The following NAALADL2 variants were observed in gnomAD, a reference collection of about 807,000 sequenced individuals.
NAALADL2 encodes the protein inactive N-acetylated-alpha-linked acidic dipeptidase-like protein 2.
In NAALADL2, 76 loss-of-function variants were observed where a neutral mutation model predicts 87.2. The observed-to-expected ratio is 0.87, with a 90% CI of 0.72 to 1.05. The LOEUF is 1.05. Among genes scored for constraint, NAALADL2 ranks in the 50% least tolerant of loss-of-function variants. NAALADL2 has a pLI of 0.00. For synonymous variants in NAALADL2, 354 were observed against 331.0 expected (o/e 1.07, Z -0.75); for missense variants, 1,089 against 945.8 (o/e 1.15, Z -1.99).
intron 2 of NAALADL2, among the ~76,000 whole-genome samples, chr3:175,154,006 T>A (rs1731937737): frequency 6.6e-6 from 1 of 152,122 alleles, no homozygotes; most frequent in South Asian, 2.1e-4. Context: ...AATTCTCATC[T>A]TTTTCCCCAA....
intron 11 of NAALADL2, among the ~76,000 whole-genome samples, chr3:175,656,600 T>A (rs993886808): frequency 3.3e-5 from 5 of 151,706 alleles, no homozygotes; most frequent in Admixed American, 3.3e-4. Context: ...GTATTTTTTT[T>A]AAAAGATAAT....
intron 2 of NAALADL2, among the ~76,000 whole-genome samples, chr3:175,215,158 A>C (rs896284276): frequency 1.3e-5 from 2 of 152,144 alleles, no homozygotes; most frequent in Admixed American, 1.3e-4. Flanking sequence ...TAGTTAACTC[A>C]ATCTTCCTGA....
chr3:174,502,182 A>G (rs1718940586), intron 1 of NAALADL2, among the ~76,000 whole-genome samples: 1 of 152,220 alleles, frequency 6.6e-6, no homozygotes, highest in Non-Finnish European at 1.5e-5. Flanking sequence ...TTATTTTCCC[A>G]TGATAGCCTG....
At chr3:174,871,782 C>T (rs889742425) in intron 1 of NAALADL2, among the ~76,000 whole-genome samples, 2 of 152,024 alleles carry the variant, frequency 1.3e-5, no homozygotes, top group African/African-American at 4.8e-5. Flanking sequence ...GCCTGTAGTC[C>T]CAGCTACTTG....
chr3:174,861,909 TTC>T lies in NAALADL2; in HGVS notation c.43+2460_43+2461del, dbSNP rs200126914. ...AGTATTGAGAACCCATTTTTTTTTT[TTC>T]CTGAATAAAAGTGAAGTTATTCCAA... On this transcript the variant is annotated intron_variant, in intron 1 of 13. Coordinates refer to ENST00000454872, the MANE Select transcript of NAALADL2 (RefSeq NM_207015.3). 8.4e-3 allele frequency among the ~76,000 whole-genome samples: 1,230 copies of T among 146,134 alleles called. 15 individuals are homozygous for T. Among genetic ancestry groups the T allele is most frequent in the African/African-American group, 0.031 (1,152 of 37,184 alleles).
intron 9 of NAALADL2, among the ~76,000 whole-genome samples, chr3:175,573,904 G>GA (rs1718472486): frequency 6.9e-6 from 1 of 145,752 alleles, no homozygotes; most frequent in African/African-American, 2.6e-5. Context: ...TATTTCCAAA[G>GA]TGGTTAATCA....
intron 3 of NAALADL2, among the ~76,000 whole-genome samples, chr3:174,786,024 C>T (rs540717836): frequency 6.6e-6 from 1 of 152,276 alleles, no homozygotes; most frequent in East Asian, 1.9e-4. Flanking sequence ...GCTGTGGCAT[C>T]TTTATACCAA....
intron 12 of NAALADL2, among the ~76,000 whole-genome samples, chr3:175,745,569 A>T (rs1745811558): frequency 6.6e-6 from 1 of 152,186 alleles, no homozygotes; most frequent in Non-Finnish European, 1.5e-5. Flanking sequence ...AATTGTTGTT[A>T]TACTGAATTG....
intron 4 of NAALADL2, among the ~76,000 whole-genome samples, chr3:175,291,179 A>T (rs555428972): frequency 3.6e-4 from 55 of 152,128 alleles, no homozygotes; most frequent in African/African-American, 5.3e-4. Flanking sequence ...ATAAATTCAC[A>T]TATGTTTCTT....
intron 1 of NAALADL2, among the ~76,000 whole-genome samples, chr3:174,873,465 G>T (rs1728112213): frequency 6.6e-6 from 1 of 151,834 alleles, no homozygotes; most frequent in Admixed American, 6.6e-5. Context: ...CTTCTGGCCG[G>T]GCTGGTCTTG....
chr3:174,591,361 A>G (rs1484624128), intron 2 of NAALADL2, among the ~76,000 whole-genome samples: 1 of 152,214 alleles, frequency 6.6e-6, no homozygotes, highest in Non-Finnish European at 1.5e-5. Flanking sequence ...ACAGTAGACT[A>G]CAAAAATATT....
chr3:175,004,081 G>A (rs569076412), intron 1 of NAALADL2, among the ~76,000 whole-genome samples: 5 of 152,142 alleles, frequency 3.3e-5, no homozygotes, highest in South Asian at 4.1e-4. Flanking sequence ...CCTTTTAATC[G>A]AAACATAGCA....
At chr3:175,764,086 A>G (rs1453617912) in intron 13 of NAALADL2, among the ~76,000 whole-genome samples, 3 of 151,588 alleles carry the variant, frequency 2.0e-5, no homozygotes, top group Non-Finnish European at 4.4e-5. Flanking sequence ...GATGAATTAA[A>G]GGCTAATTAT....
chr3:174,914,452 C>T (rs1286497425), intron 1 of NAALADL2, among the ~76,000 whole-genome samples: 1 of 151,936 alleles, frequency 6.6e-6, no homozygotes, highest in Non-Finnish European at 1.5e-5. Context: ...CTTGGGAAGT[C>T]GATAGATCTG....
intron 2 of NAALADL2, among the ~76,000 whole-genome samples, chr3:175,189,775 A>G (rs1407654517): frequency 6.6e-6 from 1 of 152,226 alleles, no homozygotes; most frequent in East Asian, 1.9e-4. Context: ...TCTGAGAAAG[A>G]AAAACAGCAT....
At chr3:175,380,330 G>A (rs541709229) in intron 5 of NAALADL2, among the ~76,000 whole-genome samples, 1 of 152,170 alleles carries the variant, frequency 6.6e-6, no homozygotes, top group African/African-American at 2.4e-5. Context: ...GAATGTCTGT[G>A]TGTTTGTTAT....
At chr3:174,986,862 A>G (rs1320774031) in intron 1 of NAALADL2, among the ~76,000 whole-genome samples, 1 of 152,176 alleles carries the variant, frequency 6.6e-6, no homozygotes, top group Non-Finnish European at 1.5e-5. Context: ...TGGCCACTGT[A>G]GGGAGACATC....
chr3:175,461,522 C>T (rs1420424277), intron 6 of NAALADL2, among the ~76,000 whole-genome samples: 1 of 152,144 alleles, frequency 6.6e-6, no homozygotes, highest in African/African-American at 2.4e-5. Context: ...GGGCAATGAC[C>T]ACTCTAGCTA....
At chr3:174,892,968 G>T (rs1014114749) in intron 1 of NAALADL2, among the ~76,000 whole-genome samples, 4 of 148,596 alleles carry the variant, frequency 2.7e-5, no homozygotes, top group African/African-American at 9.9e-5. Flanking sequence ...AAACCAAGCA[G>T]ATTTAACCCA....
Sources: gnomAD v4.1 joint callset for allele counts (sites outside exome capture counted in the v4.1 genomes callset) on GRCh38, gnomAD v4.1.1 for gene constraint, MANE v1.5 for transcripts, NCBI Gene and HGNC (gene_info 2026-07-23, HGNC 2026-07-21) for gene names.